R3HDM2: variants seen among roughly 807,000 people sequenced by gnomAD.
R3HDM2 encodes the protein R3H domain-containing protein 2.
Under a neutral mutation model 124.5 loss-of-function variants are expected in R3HDM2, and 38 were observed. The ratio of observed to expected loss-of-function variants is 0.31; its 90% CI spans 0.24 to 0.40. The LOEUF (loss-of-function observed/expected upper bound fraction) is 0.40. R3HDM2 is among the 10% of genes least tolerant of loss of function. The pLI, the probability that R3HDM2 is intolerant of heterozygous loss-of-function variation, is 1.00. For synonymous variants in R3HDM2, 391 were observed against 448.0 expected (o/e 0.87, Z 1.61); for missense variants, 869 against 1,236.9 (o/e 0.70, Z 4.46).
chr12:57,315,292 C>T (rs529594899), intron 2 of R3HDM2, among the ~76,000 whole-genome samples: 2 of 152,268 alleles, frequency 1.3e-5, no homozygotes, highest in Admixed American at 1.3e-4. Context: ...CCCACCACTT[C>T]GGCCTCCCAA....
chr12:57,353,914 G>A (rs1300656096), intron 2 of R3HDM2, among the ~76,000 whole-genome samples: 4 of 152,034 alleles, frequency 2.6e-5, no homozygotes, highest in East Asian at 3.9e-4. Flanking sequence ...GGAGTGCAGT[G>A]GTGCAATCTC....
intron 1 of R3HDM2, among the ~76,000 whole-genome samples, chr12:57,396,266 CT>C (rs2067484137): frequency 6.6e-6 from 1 of 151,380 alleles, no homozygotes; most frequent in Non-Finnish European, 1.5e-5. Context: ...ATGGTGAAGC[CT>C]TGTCTCTACT....
At chr12:57,393,164 T>G (rs1484695663) in intron 2 of R3HDM2, among the ~76,000 whole-genome samples, 1 of 148,788 alleles carries the variant, frequency 6.7e-6, no homozygotes, top group Non-Finnish European at 1.5e-5. Context: ...AGTGCAATGG[T>G]GCGATCTTGG....
chr12:57,345,288 C>G (rs1026397650), intron 2 of R3HDM2, among the ~76,000 whole-genome samples: 1 of 151,942 alleles, frequency 6.6e-6, no homozygotes, highest in African/African-American at 2.4e-5. Flanking sequence ...GCAAACTTCA[C>G]AAGTTTGACA....
intron 2 of R3HDM2, among the ~76,000 whole-genome samples, chr12:57,340,605 C>G (rs1486362686): frequency 2.6e-5 from 4 of 152,026 alleles, no homozygotes; most frequent in African/African-American, 9.7e-5. Context: ...ATAAGAATAC[C>G]TAATGTAAGC....
intron 14 of R3HDM2, 55 bp from the exon 15 acceptor site, chr12:57,270,049 G>C: frequency 6.3e-7 from 1 of 1,598,542 alleles, no homozygotes; most frequent in Non-Finnish European, 8.6e-7. Flanking sequence ...TCATGTCTTT[G>C]GCTTCAACAT....
At chr12:57,397,552 T>A (rs1194301661) in intron 1 of R3HDM2, among the ~76,000 whole-genome samples, 2 of 152,182 alleles carry the variant, frequency 1.3e-5, no homozygotes, top group African/African-American at 4.8e-5. Context: ...GTTTTGACAT[T>A]AGGAATGTGG....
intron 2 of R3HDM2, among the ~76,000 whole-genome samples, chr12:57,348,165 T>C (rs2060251428): frequency 6.6e-6 from 1 of 152,200 alleles, no homozygotes; most frequent in African/African-American, 2.4e-5. Flanking sequence ...GGCTCATGCC[T>C]ATAATCTCAA....
chr12:57,387,735 G>C (rs1398041592), intron 2 of R3HDM2, among the ~76,000 whole-genome samples: 1 of 152,140 alleles, frequency 6.6e-6, no homozygotes, highest in Non-Finnish European at 1.5e-5. Flanking sequence ...AGTTTGGAAA[G>C]AAAAAGTTCT....
In R3HDM2 at chr12:57,428,632, G is replaced by A. The variant is rs80239168; in HGVS notation, c.-106+2088C>T. On this transcript the variant is annotated intron_variant, in intron 1 of 23. Transcript: ENST00000402412. ...ATTGCACCACTGCGCTCCACCCTGGGTGACATAGCGAGAAAGAACAACAAC... is the reference window on the plus strand; with the variant it reads ...ATTGCACCACTGCGCTCCACCCTGGATGACATAGCGAGAAAGAACAACAAC... 6.0e-4 allele frequency among the ~76,000 whole-genome samples: 91 copies of A among 152,022 alleles called. 1 individual carries two copies. In the East Asian group the frequency reaches 0.014, roughly 23 times the overall value.
intron 3 of R3HDM2, among the ~76,000 whole-genome samples, chr12:57,308,029 A>G (rs1168535708): frequency 1.3e-5 from 2 of 149,614 alleles, no homozygotes; most frequent in East Asian, 4.0e-4. Context: ...GAGACATTGT[A>G]TTTGTATTTC....
At chr12:57,322,739 C>G (rs1467225217) in intron 2 of R3HDM2, among the ~76,000 whole-genome samples, 1 of 151,930 alleles carries the variant, frequency 6.6e-6, no homozygotes, top group Non-Finnish European at 1.5e-5. Context: ...ATAACTTTCC[C>G]AAGTCAATAC....
intron 2 of R3HDM2, among the ~76,000 whole-genome samples, chr12:57,369,176 G>A (rs1251265262): frequency 6.6e-6 from 1 of 152,070 alleles, no homozygotes; most frequent in Non-Finnish European, 1.5e-5. Context: ...ATGATCTCAA[G>A]TGTCAGGAAA....
chr12:57,336,471 T>C (rs1176205661), intron 2 of R3HDM2, among the ~76,000 whole-genome samples: 1 of 152,108 alleles, frequency 6.6e-6, no homozygotes, highest in Non-Finnish European at 1.5e-5. Context: ...CACCATGGAA[T>C]ACTATGCAGC....
chr12:57,305,323 C>T (rs537157898), intron 3 of R3HDM2, among the ~76,000 whole-genome samples: 2 of 152,210 alleles, frequency 1.3e-5, no homozygotes, highest in Admixed American at 1.3e-4. Context: ...TGTAGCTATA[C>T]CATAACTTAT....
chr12:57,373,415 G>T (rs2063614887), intron 2 of R3HDM2, among the ~76,000 whole-genome samples: 2 of 152,136 alleles, frequency 1.3e-5, no homozygotes, highest in Middle Eastern at 3.4e-3. Flanking sequence ...CAGGAGAATG[G>T]CATGACCCCA....
At chr12:57,374,126 TCAAAA>T (rs2063729687) in intron 2 of R3HDM2, among the ~76,000 whole-genome samples, 1 of 151,678 alleles carries the variant, frequency 6.6e-6, no homozygotes, top group African/African-American at 2.4e-5. Context: ...AGACTCTGTC[TCAAAA>T]CAAAACAAAA....
Position 57,317,170 on chromosome 12 carries a change from C to G in R3HDM2, c.-35-6707G>C, listed in dbSNP as rs561919646. On this transcript the variant is annotated intron_variant, in intron 2 of 23. Coordinates refer to ENST00000402412, the MANE Select transcript of R3HDM2 (RefSeq NM_001394031.1). ...GCGATTGGAATAAAGGTGTGACCAC[C>G]TTGCCCAGGCTTTTTGTGTTTTTTT... Among the ~76,000 whole-genome samples the G allele has an allele frequency of 3.7e-4, 55 of 150,090 alleles. No homozygotes were observed. The South Asian group carries it at 0.011, about 31-fold the overall frequency.
At position 57,319,242 on chromosome 12, in the gene R3HDM2, G is replaced by A. The variant is rs532028545; in HGVS notation, c.-35-8779C>T. ...GTAGAGAAGGGGTTTCACCATGTTG[G>A]CCAGGCTGGTCTCGAACTCCTGACC... On this transcript the variant is annotated intron_variant, in intron 2 of 23. Transcript: ENST00000402412. 3.3e-5 allele frequency among the ~76,000 whole-genome samples: 5 copies of A among 152,182 alleles called. No individual in the cohort carries two copies. In the South Asian group the frequency reaches 6.2e-4, roughly 19 times the overall value.
Sources: allele counts gnomAD v4.1 joint callset (sites outside exome capture counted in the v4.1 genomes callset), GRCh38; gene constraint gnomAD v4.1.1; transcripts MANE v1.5; gene names NCBI Gene and HGNC (gene_info 2026-07-23, HGNC 2026-07-21).